The following TCF24 variants were observed in gnomAD, a reference collection of about 807,000 sequenced individuals.
TCF24 encodes the protein transcription factor 24.
TCF24 carries 5 observed loss-of-function variants against 9.3 expected under a neutral mutation model. The observed-to-expected ratio is 0.54, with a 90% CI of 0.28 to 1.13. TCF24 has a LOEUF of 1.13. TCF24 is among the 50% of genes most tolerant of loss of function. The pLI, the probability that TCF24 is intolerant of heterozygous loss-of-function variation, is 0.09. For synonymous variants in TCF24, 110 were observed against 115.8 expected, an observed-to-expected ratio of 0.95 and a Z score of 0.32; for missense variants, 220 against 236.1, an observed-to-expected ratio of 0.93 and a Z score of 0.45.
intron 3 of TCF24, among the ~76,000 whole-genome samples, chr8:66,949,096 C>T (rs1447747917): frequency 6.6e-6 from 1 of 150,760 alleles, no homozygotes; most frequent in Non-Finnish European, 1.5e-5. Context: ...TCATCTAGCT[C>T]TTTTTTTTTC....
chr8:66,954,768 C>T (rs190213355), intron 3 of TCF24, among the ~76,000 whole-genome samples: 12 of 150,098 alleles, frequency 8.0e-5, no homozygotes, highest in African/African-American at 2.4e-4. Context: ...TAGGACCCTC[C>T]GAGCCAGGTG....
At chr8:66,954,796 G>GT (rs1381476948) in intron 3 of TCF24, among the ~76,000 whole-genome samples, 4 of 152,396 alleles carry the variant, frequency 2.6e-5, no homozygotes, top group Non-Finnish European at 2.9e-5. Context: ...TAATCTCGTG[G>GT]TGTGCCGTTT....
At position 66,961,446 on chromosome 8, in the gene TCF24, T is replaced by C; in HGVS notation, c.320A>G (p.Asp107Gly). The C allele has an allele frequency of 6.5e-7, 1 of 1,527,800 alleles. No homozygotes were observed. Among genetic ancestry groups the C allele is most frequent in the South Asian group, 1.2e-5 (1 of 83,046 alleles). 94.6% of individuals were successfully genotyped at this position (1,527,800 alleles called of 1,614,324 possible). A position where few individuals can be genotyped will look rare whatever the true frequency, so the allele number is the denominator to read the frequency against. Residue 107 changes from aspartate to glycine, a missense_variant, in exon 3 of 4, where the codon GAC becomes GGC. Transcript: ENST00000563496. ...GGCGTCCGCCGGCGCCTCGGCGTCG[T>C]CCTGCAGGCTGCGGGTGAGATGCGC... ...YIAHLTRSLQ[D>G]DAEAPADAGL...
intron 3 of TCF24, chr8:66,955,042 ATCACCCG>A (rs1814130677): frequency 6.3e-6 from 1 of 158,316 alleles, no homozygotes; most frequent in Admixed American, 6.5e-5. Context: ...GAATGCAGAA[ATCACCCG>A]TCTTCTGCGT....
chr8:66,962,222 G>C (rs777852007), intron 1 of TCF24, 107 bp downstream of exon 1: 1 of 152,270 alleles, frequency 6.6e-6, no homozygotes, highest in African/African-American at 2.4e-5. Flanking sequence ...CGCCAGGGGG[G>C]ATTTCTGCCC....
At chr8:66,958,571 G>A (rs1474486200) in intron 3 of TCF24, among the ~76,000 whole-genome samples, 4 of 152,142 alleles carry the variant, frequency 2.6e-5, no homozygotes, top group Admixed American at 6.6e-5. Context: ...TGAGGCAGGG[G>A]AATCACTTGA....
At chr8:66,949,581 T>TTA (rs1326573406) in intron 3 of TCF24, among the ~76,000 whole-genome samples, 2 of 152,332 alleles carry the variant, frequency 1.3e-5, no homozygotes, top group East Asian at 3.9e-4. Context: ...GCATGTCTCT[T>TTA]TATAGCAGCA....
At chr8:66,950,978 AAGG>A (rs1369306927) in intron 3 of TCF24, among the ~76,000 whole-genome samples, 1 of 151,670 alleles carries the variant, frequency 6.6e-6, no homozygotes, top group Non-Finnish European at 1.5e-5. Context: ...TTATCAGCTT[AAGG>A]AGATTTTGGG....
intron 3 of TCF24, among the ~76,000 whole-genome samples, chr8:66,958,978 T>C (rs1399390907): frequency 6.6e-6 from 1 of 152,200 alleles, no homozygotes; most frequent in African/African-American, 2.4e-5. Context: ...GAGATGTTTG[T>C]TTTCTTTTTT....
chr8:66,948,541 T>C (rs1193707197), intron 3 of TCF24, among the ~76,000 whole-genome samples: 3 of 152,210 alleles, frequency 2.0e-5, no homozygotes, highest in Non-Finnish European at 4.4e-5. Context: ...TAAAAATATT[T>C]TTAAAAGTTC....
intron 3 of TCF24, among the ~76,000 whole-genome samples, chr8:66,957,895 TAAAAAAAAAA>T (rs11299517): frequency 9.3e-5 from 4 of 43,036 alleles, no homozygotes; most frequent in African/African-American, 2.5e-4. Flanking sequence ...TAAGAATTGC[TAAAAAAAAAA>T]AAAAAAAAAA....
chr8:66,961,515 T>C lies in TCF24; in HGVS notation c.251A>G (p.Lys84Arg), dbSNP rs1814253285. The change falls in exon 3 of 4, where the codon AAG (lysine) becomes AGG (arginine). Residue 84 changes from lysine to arginine, a missense_variant. Physicochemically the swap from Lys to Arg is conservative, Grantham distance 26 (BLOSUM62 2). Coordinates refer to ENST00000563496, the MANE Select transcript of TCF24 (RefSeq NM_001193502.2). Reference sequence around the variant, plus strand: ...CAGCAGCACGTCCAGCTTGGACAGCTTGGTGTCGGGCGGCACGGACGGCAG... The same window carrying C: ...CAGCAGCACGTCCAGCTTGGACAGCCTGGTGTCGGGCGGCACGGACGGCAG... ...RTLPSVPPDT[K>R]LSKLDVLLLA... 1.3e-6 allele frequency: 2 copies of C among 1,518,902 alleles called. No individual in the cohort carries two copies. Among genetic ancestry groups the C allele is most frequent in the Non-Finnish European group, 1.8e-6 (2 of 1,140,270 alleles). 94.1% of individuals were successfully genotyped at this position (1,518,902 alleles called of 1,614,324 possible).
intron 3 of TCF24, among the ~76,000 whole-genome samples, chr8:66,957,278 G>A (rs1035250271): frequency 1.3e-5 from 2 of 151,594 alleles, no homozygotes; most frequent in Non-Finnish European, 2.9e-5. Flanking sequence ...TTAGCTGGGC[G>A]TGGTGGTGGG....
chr8:66,961,385 G>C lies in TCF24; in HGVS notation c.381C>G (p.His127Gln). 4.7e-6 allele frequency: 7 copies of C among 1,497,312 alleles called. No individual in the cohort carries two copies. Among genetic ancestry groups the C allele is most frequent in the Non-Finnish European group, 6.2e-6 (7 of 1,129,692 alleles). The allele number at this position is 1,497,312 out of a possible 1,614,324, so 92.8% of individuals were successfully genotyped here. ...LGALRGDGYL[H>Q]PVKKWPMRSR... ...CGCCCCGCCCGCTTACCTTGACCGG[G>C]TGCAGGTAGCCATCGCCGCGCAGGG... Residue 127 changes from histidine (H) to glutamine (Q), a missense_variant, in exon 3 of 4, where the codon CAC becomes CAG. By Grantham distance (24) the His-to-Gln change is conservative. Transcript: ENST00000563496.
intron 3 of TCF24, among the ~76,000 whole-genome samples, chr8:66,959,334 C>G (rs1459391876): frequency 6.6e-6 from 1 of 152,168 alleles, no homozygotes; most frequent in African/African-American, 2.4e-5. Context: ...ACACTTTTTA[C>G]AAACAATAGT....
rs573361371 is a variant in TCF24, at chr8:66,959,431, T to A, written c.390+1945A>T. ...GCATTAATCAAAGGTAGACAATGTT[T>A]AAACATTTTGGTAGTGTCTGTAAAA... On this transcript the variant is annotated intron_variant, in intron 3 of 3. Transcript: ENST00000563496. 3.9e-5 allele frequency among the ~76,000 whole-genome samples: 6 copies of A among 152,354 alleles called. No homozygotes were observed. The East Asian group carries it at 1.2e-3, about 29-fold the overall frequency.
chr8:66,961,901 G>A lies in TCF24; in HGVS notation c.-48C>T. The A allele has an allele frequency of 1.3e-6, 1 of 751,126 alleles. No individual in the cohort carries two copies. Among genetic ancestry groups the A allele is most frequent in the Non-Finnish European group, 1.6e-6 (1 of 609,512 alleles). 46.5% of individuals were successfully genotyped at this position (751,126 alleles called of 1,614,324 possible). ...CCAGCAGCCCAACGGGGCTAAGGGC[G>A]CTCTCAAGCGAGCTCGTTTTGCCTG... is the stretch of plus-strand genomic sequence containing the variant. On this transcript the variant is annotated 5_prime_UTR_variant, in exon 2 of 4. Transcript: ENST00000563496.
chr8:66,948,192 C>G (rs1326109670), intron 3 of TCF24, 28 bp from the exon 4 acceptor site: 3 of 1,494,070 alleles, frequency 2.0e-6, no homozygotes, highest in African/African-American at 1.4e-5. Flanking sequence ...AACAAGAATT[C>G]AAAAGTTAGT....
At chr8:66,960,119 G>A (rs528289211) in intron 3 of TCF24, among the ~76,000 whole-genome samples, 3 of 152,164 alleles carry the variant, frequency 2.0e-5, no homozygotes, top group Non-Finnish European at 4.4e-5. Context: ...TGGTATATTC[G>A]AATAGCAATC....
Sources: gnomAD v4.1 joint callset for allele counts (sites outside exome capture counted in the v4.1 genomes callset) on GRCh38, gnomAD v4.1.1 for gene constraint, MANE v1.5 for transcripts, NCBI Gene and HGNC (gene_info 2026-07-23, HGNC 2026-07-21) for gene names.